Variants in TRABD2A observed in about 807,000 individuals in gnomAD.
The protein encoded by TRABD2A is metalloprotease TIKI1.
TRABD2A carries 43 observed loss-of-function variants against 45.6 expected under a neutral mutation model. The observed-to-expected ratio is 0.94, with a 90% CI of 0.74 to 1.22. The LOEUF (loss-of-function observed/expected upper bound fraction) is 1.22, where lower values mean the gene tolerates loss of function less well. TRABD2A is among the 50% of genes most tolerant of loss of function. The probability of loss-of-function intolerance (pLI) is 0.00; values close to 1 mark genes in which losing one functional copy is unlikely to be tolerated. For missense variants in TRABD2A, 642 were observed against 652.4 expected (o/e 0.98, Z 0.17); for synonymous variants, 269 against 265.0 (o/e 1.02, Z -0.15).
At chr2:84,862,732 G>A (rs772644412) in intron 2 of TRABD2A, among the ~76,000 whole-genome samples, 6 of 152,094 alleles carry the variant, frequency 3.9e-5, no homozygotes, top group Non-Finnish European at 8.8e-5. Context: ...CATCACCTAT[G>A]CTGAGTGCTT....
At chr2:84,837,185 G>C (rs1377198224) in intron 4 of TRABD2A, 4 of 151,820 alleles carry the variant, frequency 2.6e-5, no homozygotes, top group Admixed American at 2.0e-4. Context: ...GTAGAGATAG[G>C]GTTTTGCCAT....
chr2:84,861,727 C>A (rs185380558), intron 2 of TRABD2A, among the ~76,000 whole-genome samples: 1 of 152,158 alleles, frequency 6.6e-6, no homozygotes, highest in African/African-American at 2.4e-5. Flanking sequence ...GTCCTTTCCC[C>A]GAAAGTCAGG....
rs531739067 is a variant in TRABD2A, at chr2:84,869,146, C to T, written c.669+1079G>A. Among the ~76,000 whole-genome samples the T allele has an allele frequency of 6.6e-5, 10 of 152,304 alleles. No homozygotes were observed. In the South Asian group the frequency reaches 2.1e-3, roughly 32 times the overall value. On this transcript the variant is annotated intron_variant, in intron 2 of 6. Coordinates refer to ENST00000409520, the MANE Select transcript of TRABD2A (RefSeq NM_001277053.2). The stretch of plus-strand genomic sequence containing the variant: ...ATTTTTAGATTGTTACATGTCCTTA[C>T]ACCTTTTAAATAACAACCTTAGTTC...
At chr2:84,869,698 G>A (rs1461796753) in intron 2 of TRABD2A, among the ~76,000 whole-genome samples, 3 of 152,222 alleles carry the variant, frequency 2.0e-5, no homozygotes, top group African/African-American at 7.2e-5. Context: ...ACACAGTATG[G>A]GCCAGGCACA....
At chr2:84,854,088 A>G (rs985711819) in intron 2 of TRABD2A, among the ~76,000 whole-genome samples, 1 of 150,242 alleles carries the variant, frequency 6.7e-6, no homozygotes, top group East Asian at 1.9e-4. Flanking sequence ...TGAAAAAATA[A>G]AAATAATACA....
chr2:84,857,017 A>C (rs1242256450), intron 2 of TRABD2A, among the ~76,000 whole-genome samples: 3 of 152,198 alleles, frequency 2.0e-5, no homozygotes, highest in African/African-American at 7.2e-5. Flanking sequence ...TGAGGCTCAC[A>C]CAGAGAAAAG....
rs558779503 is a variant in TRABD2A, at chr2:84,847,126, G to A, written c.670-5119C>T. 7.2e-5 allele frequency among the ~76,000 whole-genome samples: 11 copies of A among 152,314 alleles called. No homozygotes were observed. In the East Asian group the frequency reaches 9.7e-4, roughly 13 times the overall value. Reference sequence around the variant, plus strand: ...GAGGTAACTCCCTCTCCAGTGAGGAGCCAAGTCCAGGGCAGGGCGGTGCTC... The same window carrying A: ...GAGGTAACTCCCTCTCCAGTGAGGAACCAAGTCCAGGGCAGGGCGGTGCTC... On this transcript the variant is annotated intron_variant, in intron 2 of 6. Coordinates refer to ENST00000409520, the MANE Select transcript of TRABD2A (RefSeq NM_001277053.2).
At chr2:84,863,597 CTTTTTTT>C (rs55952015) in intron 2 of TRABD2A, among the ~76,000 whole-genome samples, 7,591 of 77,776 alleles carry the variant, frequency 0.098, 110 homozygotes, top group East Asian at 0.16. Context: ...TTCAAATTTT[CTTTTTTT>C]TTTTTTTTTT....
At chr2:84,876,048 G>C (rs1008921202) in intron 1 of TRABD2A, among the ~76,000 whole-genome samples, 1 of 151,978 alleles carries the variant, frequency 6.6e-6, no homozygotes, top group Non-Finnish European at 1.5e-5. Flanking sequence ...GAAAGGATGA[G>C]GTTATCATTA....
chr2:84,862,845 G>A (rs1420525501), intron 2 of TRABD2A, among the ~76,000 whole-genome samples: 1 of 152,150 alleles, frequency 6.6e-6, no homozygotes, highest in African/African-American at 2.4e-5. Flanking sequence ...CTGCACCTGC[G>A]AGCCCAGGAG....
intron 2 of TRABD2A, 150 bp from the exon 3 acceptor site, chr2:84,842,157 T>C: frequency 1.3e-6 from 1 of 795,648 alleles, no homozygotes; most frequent in Non-Finnish European, 1.8e-6. Context: ...CACAAATCCC[T>C]GGACAGCATC....
intron 1 of TRABD2A, among the ~76,000 whole-genome samples, chr2:84,880,609 G>A (rs1276611284): frequency 6.6e-6 from 1 of 152,240 alleles, no homozygotes; most frequent in Non-Finnish European, 1.5e-5. Context: ...TTCCTGGTCC[G>A]GTACTCCCTG....
At chr2:84,838,458 T>C (rs1681591925) in intron 4 of TRABD2A, among the ~76,000 whole-genome samples, 1 of 152,190 alleles carries the variant, frequency 6.6e-6, no homozygotes, top group Admixed American at 6.5e-5. Context: ...CACTCCACCA[T>C]TTCAGAATTG....
intron 4 of TRABD2A, chr2:84,834,607 A>T (rs1681440810): frequency 6.6e-6 from 1 of 152,252 alleles, no homozygotes; most frequent in Non-Finnish European, 1.5e-5. Flanking sequence ...GTCTCTATAG[A>T]TTTGCCTGTT....
At chr2:84,825,518 G>A (rs1473857672) in intron 5 of TRABD2A, among the ~76,000 whole-genome samples, 1 of 152,176 alleles carries the variant, frequency 6.6e-6, no homozygotes, top group Non-Finnish European at 1.5e-5. Context: ...TGGAGGACAG[G>A]GCTTAATATA....
chr2:84,866,925 A>G (rs1475632774), intron 2 of TRABD2A, among the ~76,000 whole-genome samples: 1 of 152,174 alleles, frequency 6.6e-6, no homozygotes. Flanking sequence ...TCTCTACTAA[A>G]AATATAAAAA....
chr2:84,862,041 G>A (rs900589225), intron 2 of TRABD2A, among the ~76,000 whole-genome samples: 14 of 152,328 alleles, frequency 9.2e-5, no homozygotes, highest in East Asian at 7.7e-4. Flanking sequence ...CCTAATGCCC[G>A]TGGCATGACG....
chr2:84,850,836 A>G (rs943157792), intron 2 of TRABD2A: 1 of 152,194 alleles, frequency 6.6e-6, no homozygotes, highest in Non-Finnish European at 1.5e-5. Flanking sequence ...AACAGTGGCC[A>G]TGGCTTCCAC....
intron 2 of TRABD2A, among the ~76,000 whole-genome samples, chr2:84,863,117 A>C (rs1682551712): frequency 6.6e-6 from 1 of 152,104 alleles, no homozygotes; most frequent in African/African-American, 2.4e-5. Context: ...TAACTGCAGC[A>C]CTTCAGCCCA....
Sources: allele counts gnomAD v4.1 joint callset (sites outside exome capture counted in the v4.1 genomes callset), GRCh38; gene constraint gnomAD v4.1.1; transcripts MANE v1.5; gene names NCBI Gene and HGNC (gene_info 2026-07-23, HGNC 2026-07-21).